RAD51B: variants seen among roughly 807,000 people sequenced by gnomAD.
RAD51B encodes RAD51 paralog B.
In RAD51B, 38 loss-of-function variants were observed where a neutral mutation model predicts 42.2. The ratio of observed to expected loss-of-function variants is 0.90; its 90% CI spans 0.70 to 1.18. The LOEUF is 1.18. Ranked by LOEUF, RAD51B falls within the 50% of genes most tolerant of loss-of-function variation. The pLI is 0.00. For synonymous variants in RAD51B, 154 were observed against 145.2 expected (o/e 1.06, Z -0.43); for missense variants, 373 against 400.7 (o/e 0.93, Z 0.59).
downstream of RAD51B, among the ~76,000 whole-genome samples, chr14:68,615,818 T>C (rs1891814524): frequency 6.6e-6 from 1 of 152,226 alleles, no homozygotes; most frequent in South Asian, 2.1e-4. Flanking sequence ...TGTTTTTATA[T>C]TTAAAATGAA....
chr14:67,820,336 T>C (rs769928693), intron 1 of RAD51B, among the ~76,000 whole-genome samples: 4 of 152,132 alleles, frequency 2.6e-5, no homozygotes, highest in Admixed American at 6.5e-5. Context: ...ATCTGTAAAG[T>C]GAGGTAAAAT....
At chr14:67,875,460 A>G (rs964980434) in intron 5 of RAD51B, among the ~76,000 whole-genome samples, 2 of 152,200 alleles carry the variant, frequency 1.3e-5, no homozygotes, top group South Asian at 2.1e-4. Flanking sequence ...TGGATTGCAT[A>G]TAAGATGGTG....
At chr14:68,411,157 C>T (rs1455188083) in intron 8 of RAD51B, among the ~76,000 whole-genome samples, 2 of 152,188 alleles carry the variant, frequency 1.3e-5, no homozygotes, top group African/African-American at 2.4e-5. Flanking sequence ...AGCTATCTTG[C>T]AATGCAACCT....
intron 7 of RAD51B, among the ~76,000 whole-genome samples, chr14:67,965,809 A>G (rs1435755375): frequency 6.6e-6 from 1 of 152,114 alleles, no homozygotes; most frequent in African/African-American, 2.4e-5. Flanking sequence ...GTATAGAGGA[A>G]CTGAGGAAGC....
intron 7 of RAD51B, among the ~76,000 whole-genome samples, chr14:68,009,246 A>T (rs1284504622): frequency 6.6e-6 from 1 of 151,892 alleles, no homozygotes; most frequent in Non-Finnish European, 1.5e-5. Flanking sequence ...TGTGGTTTTC[A>T]CTGGAGATTT....
downstream of RAD51B, among the ~76,000 whole-genome samples, chr14:68,480,692 C>G (rs1420328380): frequency 6.6e-6 from 1 of 151,944 alleles, no homozygotes; most frequent in African/African-American, 2.4e-5. Context: ...TATTGTGACT[C>G]TCTGACTAAA....
chr14:68,031,964 T>G (rs569643804), intron 7 of RAD51B, among the ~76,000 whole-genome samples: 2 of 152,338 alleles, frequency 1.3e-5, no homozygotes, highest in African/African-American at 2.4e-5. Context: ...TTGATTTTTC[T>G]CTGATTCTAT....
chr14:68,521,937 A>G (rs917034716), intron 10 of RAD51B, among the ~76,000 whole-genome samples: 1 of 152,238 alleles, frequency 6.6e-6, no homozygotes, highest in Non-Finnish European at 1.5e-5. Context: ...CTTCACAGCA[A>G]ACTTCAGCCC....
chr14:67,868,630 G>T (rs373565514), intron 5 of RAD51B, among the ~76,000 whole-genome samples: 8 of 138,750 alleles, frequency 5.8e-5, no homozygotes, highest in Non-Finnish European at 1.1e-4. Flanking sequence ...ACCTCTGGGG[G>T]CAGGGCACAG....
At chr14:68,590,049 C>A (rs1274371791) in intron 10 of RAD51B, among the ~76,000 whole-genome samples, 1 of 152,190 alleles carries the variant, frequency 6.6e-6, no homozygotes, top group African/African-American at 2.4e-5. Flanking sequence ...TTCCTCCCTG[C>A]CTCCACCCCA....
chr14:68,114,981 G>A (rs937631819), intron 7 of RAD51B, among the ~76,000 whole-genome samples: 1 of 150,480 alleles, frequency 6.6e-6, no homozygotes, highest in Non-Finnish European at 1.5e-5. Flanking sequence ...GTGGAAGTCA[G>A]TGTGGCGATT....
At chr14:68,232,840 T>C (rs749654494) in intron 7 of RAD51B, among the ~76,000 whole-genome samples, 3 of 152,148 alleles carry the variant, frequency 2.0e-5, no homozygotes, top group Non-Finnish European at 4.4e-5. Flanking sequence ...AGCTTTCAAA[T>C]CTCTCCAAGT....
chr14:67,936,914 G>A (rs1483291495), intron 7 of RAD51B, among the ~76,000 whole-genome samples: 1 of 152,090 alleles, frequency 6.6e-6, no homozygotes. Flanking sequence ...TTGCCCAGTT[G>A]TAATTGGGTT....
intron 10 of RAD51B, chr14:68,470,445 T>G (rs2086093708): frequency 2.1e-6 from 1 of 467,116 alleles, no homozygotes; most frequent in Non-Finnish European, 4.2e-6. Context: ...GGCCCCTCAT[T>G]TACTAGAAAG....
rs1447327120 is a variant in RAD51B, at chr14:68,087,930, T to TTTATTATTA, written c.756+200727_756+200728insTATTATTAT. Among the ~76,000 whole-genome samples, 124 of 116,222 alleles carry TTTATTATTA rather than the reference T, an allele frequency of 1.1e-3. 1 individual carries two copies. Among genetic ancestry groups the TTTATTATTA allele is most frequent in the African/African-American group, 4.8e-3 (120 of 25,058 alleles). 76.2% of individuals were successfully genotyped at this position (116,222 alleles called of 152,430 possible). A position where few individuals can be genotyped will look rare whatever the true frequency, so the allele number is the denominator to read the frequency against. On this transcript the variant is annotated intron_variant, in intron 7 of 10. Coordinates refer to ENST00000471583, the MANE Select transcript of RAD51B (RefSeq NM_133510.4). Reference sequence around the variant, plus strand: ...TAATTATATAATATATTATATATAATTATATAATTTATTATTATATATAAT... The same window carrying TTTATTATTA: ...TAATTATATAATATATTATATATAATTTATTATTATATATAATTTATTATTATATATAAT...
At chr14:67,966,051 G>A (rs932633210) in intron 7 of RAD51B, among the ~76,000 whole-genome samples, 7 of 152,202 alleles carry the variant, frequency 4.6e-5, no homozygotes, top group South Asian at 2.1e-4. Context: ...CCAAGAGTTA[G>A]CATTTACTTT....
chr14:68,252,615 T>G (rs1361903176), intron 7 of RAD51B, among the ~76,000 whole-genome samples: 1 of 152,228 alleles, frequency 6.6e-6, no homozygotes. Context: ...TATAACAACA[T>G]TGCAGGAAAA....
chr14:68,633,672 G>A (rs1272185028), intron 10 of RAD51B, among the ~76,000 whole-genome samples: 1 of 152,210 alleles, frequency 6.6e-6, no homozygotes, highest in African/African-American at 2.4e-5. Context: ...AGAAAAGCCC[G>A]AAACCCAGGC....
intron 10 of RAD51B, among the ~76,000 whole-genome samples, chr14:68,471,476 G>A (rs916403620): frequency 1.3e-5 from 2 of 152,020 alleles, no homozygotes; most frequent in Admixed American, 6.6e-5. Flanking sequence ...TTCCCTCACC[G>A]GTTCTCAAGG....
Sources: allele counts gnomAD v4.1 joint callset (sites outside exome capture counted in the v4.1 genomes callset), GRCh38; gene constraint gnomAD v4.1.1; transcripts MANE v1.5; gene names NCBI Gene and HGNC (gene_info 2026-07-23, HGNC 2026-07-21).